PLG: variants seen among roughly 807,000 people sequenced by gnomAD.
PLG encodes the protein plasmin.
Under a neutral mutation model 104.4 loss-of-function variants are expected in PLG, and 41 were observed. The observed-to-expected ratio is 0.39, with a 90% CI of 0.31 to 0.51. The LOEUF is 0.51. Among genes scored for constraint, PLG ranks in the 20% least tolerant of loss-of-function variants. The probability of loss-of-function intolerance (pLI) is 0.76; values close to 1 mark genes in which losing one functional copy is unlikely to be tolerated. For missense variants in PLG, 891 were observed against 1,003.6 expected (o/e 0.89, Z 1.52); for synonymous variants, 337 against 357.1 (o/e 0.94, Z 0.63).
intron 12 of PLG, 47 bp from the exon 13 acceptor site, chr6:160,733,948 T>C (rs200461018): frequency 2.1e-6 from 2 of 944,066 alleles, no homozygotes; most frequent in South Asian, 2.6e-5. Context: ...ACCTTCTCCC[T>C]CTCCTGCCCC....
At chr6:160,730,885 T>C in intron 10 of PLG, 166 bp from the exon 11 acceptor site, 1 of 668,704 alleles carries the variant, frequency 1.5e-6, no homozygotes, top group Non-Finnish European at 2.6e-6. Context: ...TACACAGTTG[T>C]TTAGAAGTTG....
At chr6:160,709,026 T>C (rs1263035098) in intron 3 of PLG, among the ~76,000 whole-genome samples, 7 of 152,048 alleles carry the variant, frequency 4.6e-5, no homozygotes, top group Non-Finnish European at 1.0e-4. Flanking sequence ...AACATTTAAA[T>C]ATGTCATTTG....
chr6:160,733,543 T>TAATAGAA (rs1554251785), intron 12 of PLG, among the ~76,000 whole-genome samples: 57 of 151,180 alleles, frequency 3.8e-4, no homozygotes, highest in African/African-American at 1.1e-3. Flanking sequence ...ATAATAATAA[T>TAATAGAA]AGAAAGGAAG....
At position 160,724,746 on chromosome 6, in the gene PLG, G is replaced by A. The variant is rs1464614486; in HGVS notation, c.1256+2179G>A. 6.6e-6 allele frequency among the ~76,000 whole-genome samples: 1 copy of A among 152,062 alleles called. No individual in the cohort carries two copies. The highest frequency in any genetic ancestry group is 2.4e-5 in the African/African-American group (1 of 41,406). On this transcript the variant is annotated intron_variant, in intron 10 of 18. Coordinates refer to ENST00000308192, the MANE Select transcript of PLG (RefSeq NM_000301.5). The surrounding 1 kb of genome is among the most constrained non-coding windows in gnomAD (Gnocchi z 5.0). ...GTTATATCCAGCAAAAATATCCCTT[G>A]AAAGTGAATGTTATATAAATACATA...
chr6:160,743,550 A>G (rs1403821699), intron 17 of PLG, among the ~76,000 whole-genome samples: 1 of 152,154 alleles, frequency 6.6e-6, no homozygotes, highest in Non-Finnish European at 1.5e-5. Context: ...CAGCTGAAGG[A>G]GCTTTTGGGC....
rs1008256382 is a variant in PLG at position 160,725,939 on chromosome 6, T to C, written c.1256+3372T>C. ...TGCACCCTCATAAGAGCCCTTCTGA[T>C]ATATGAAGCAAACACTGACAGAACT... On this transcript the variant is annotated intron_variant, in intron 10 of 18. Transcript: ENST00000308192. The surrounding 1 kb of genome is among the most constrained non-coding windows in gnomAD (Gnocchi z 6.3). 6.6e-6 allele frequency among the ~76,000 whole-genome samples: 1 copy of C among 152,158 alleles called. No homozygotes were observed. Among genetic ancestry groups the C allele is most frequent in the African/African-American group, 2.4e-5 (1 of 41,440 alleles).
intron 6 of PLG, among the ~76,000 whole-genome samples, chr6:160,715,574 G>T (rs1352994174): frequency 6.6e-6 from 1 of 152,134 alleles, no homozygotes; most frequent in Non-Finnish European, 1.5e-5. Context: ...CACATTAATT[G>T]TGCTGGAAAA....
In PLG at chr6:160,741,441, A is replaced by G. The variant is rs1485068535; in HGVS notation, c.2125+24A>G. On this transcript the variant is annotated intron_variant, in intron 17 of 18. Transcript: ENST00000308192. This position sits in a 1 kb window ranked among gnomAD's most constrained non-coding sequence, Gnocchi z 4.7. ...AGGTGAGATAAATTCCATTGCCCAC[A>G]TAACGAATTGGTTTTGACCTACAGT... 2.1e-6 allele frequency: 3 copies of G among 1,400,736 alleles called. No homozygotes were observed. The highest frequency in any genetic ancestry group is 2.0e-6 in the Non-Finnish European group (2 of 985,076). The allele number at this position is 1,400,736 out of a possible 1,614,324, so 86.8% of individuals were successfully genotyped here.
In PLG at chr6:160,731,584, C is replaced by T. The variant is rs1021238987; in HGVS notation, c.1439-161C>T. 1.3e-5 allele frequency among the ~76,000 whole-genome samples: 2 copies of T among 152,172 alleles called. No individual in the cohort carries two copies. The highest frequency in any genetic ancestry group is 2.4e-5 in the African/African-American group (1 of 41,436). ...AGCCAGTAAGCATCTCCAGTAATTT[C>T]TTAAGGTAGGCAGCGTTCATTGCAG... On this transcript the variant is annotated intron_variant, in intron 11 of 18. Transcript: ENST00000308192. The surrounding 1 kb of genome is among the most constrained non-coding windows in gnomAD (Gnocchi z 5.1).
rs377006594 is a variant in PLG at position 160,748,441 on chromosome 6, AAGGGAGGGAGGGAGGG to A, written c.2126-3654_2126-3639del. Among the ~76,000 whole-genome samples, 264 of 82,796 alleles carry A rather than the reference AAGGGAGGGAGGGAGGG, an allele frequency of 3.2e-3. 15 individuals are homozygous for A. Among genetic ancestry groups the A allele is most frequent in the East Asian group, 0.01 (22 of 2,124 alleles). 54.3% of individuals were successfully genotyped at this position (82,796 alleles called of 152,430 possible). ...GGGAAAGAAAGAGAACGAAAGAAAG[AAGGGAGGGAGGGAGGG>A]AGGGAGGGAGGGAGGGAGGAAGGGT... On this transcript the variant is annotated intron_variant, in intron 17 of 18. Coordinates refer to ENST00000308192, the MANE Select transcript of PLG (RefSeq NM_000301.5).
chr6:160,714,724 T>TA, intron 5 of PLG, 70 bp from the exon 6 acceptor site: 1 of 1,525,182 alleles, frequency 6.6e-7, no homozygotes, highest in Non-Finnish European at 9.1e-7. Context: ...TTCTGGTTTT[T>TA]ACTCTCTATT....
intron 10 of PLG, chr6:160,730,832 C>G: frequency 2.0e-6 from 1 of 499,474 alleles, no homozygotes; most frequent in South Asian, 2.3e-5. Context: ...GCATATACTA[C>G]TTTTGATTTT....
intron 1 of PLG, chr6:160,705,877 T>TA (rs2115149700): frequency 6.4e-6 from 1 of 155,666 alleles, no homozygotes; most frequent in South Asian, 2.0e-4. Flanking sequence ...ATAGCAAACA[T>TA]AAAATTTGTT....
chr6:160,748,914 C>T lies in PLG; in HGVS notation c.2126-3201C>T, dbSNP rs1207344414. ...GTCGAACTTGTGTCACCAGCCTGCC[C>T]CTAAACCCGTCACTGATTAACTCCA... On this transcript the variant is annotated intron_variant, in intron 17 of 18. Transcript: ENST00000308192. Among the ~76,000 whole-genome samples the T allele has an allele frequency of 2.6e-5, 4 of 152,136 alleles. No homozygotes were observed. The East Asian group carries it at 7.7e-4, about 29-fold the overall frequency.
intron 4 of PLG, among the ~76,000 whole-genome samples, chr6:160,712,615 C>T (rs1405937818): frequency 6.6e-6 from 1 of 152,158 alleles, no homozygotes; most frequent in South Asian, 2.1e-4. Context: ...AGATAGTTCA[C>T]ATGGACAAAA....
chr6:160,702,482 G>A (rs772988372), intron 1 of PLG, 129 bp downstream of exon 1: 207 of 1,235,562 alleles, frequency 1.7e-4, no homozygotes, highest in Non-Finnish European at 2.1e-4. Context: ...TGAAAATCTT[G>A]TATAAGATTG....
intron 5 of PLG, among the ~76,000 whole-genome samples, chr6:160,714,030 C>T (rs967757798): frequency 5.3e-5 from 8 of 152,166 alleles, no homozygotes; most frequent in African/African-American, 1.7e-4. Flanking sequence ...GTTCGAATCA[C>T]GGGGATCCTT....
rs1222831363 is a variant in PLG, at chr6:160,719,463, C to G, written c.1096+625C>G. Among the ~76,000 whole-genome samples, 1 of 152,058 alleles carries G rather than the reference C, an allele frequency of 6.6e-6. No individual in the cohort carries two copies. The highest frequency in any genetic ancestry group is 2.4e-5 in the African/African-American group (1 of 41,386). On this transcript the variant is annotated intron_variant, in intron 9 of 18. Transcript: ENST00000308192. This position sits in a 1 kb window ranked among gnomAD's most constrained non-coding sequence, Gnocchi z 4.1. ...TATCTTTTAAATTTGTATGATATAT[C>G]TTTTAAATTTATCTGAGCTTTTAAA...
chr6:160,734,131 T>A lies in PLG; in HGVS notation c.1681+43T>A. 1 of 1,145,736 alleles carries A rather than the reference T, an allele frequency of 8.7e-7. No individual in the cohort carries two copies. The highest frequency in any genetic ancestry group is 2.4e-5 in the East Asian group (1 of 41,932). 71.0% of individuals were successfully genotyped at this position (1,145,736 alleles called of 1,614,324 possible). On this transcript the variant is annotated intron_variant, in intron 13 of 18. Coordinates refer to ENST00000308192, the MANE Select transcript of PLG (RefSeq NM_000301.5). This position sits in a 1 kb window ranked among gnomAD's most constrained non-coding sequence, Gnocchi z 4.4. ...TGGTAAGGAAACTGCTTACTTAATATGGATTTGCAACAAAAAAGGAAAAGG... is the reference window on the plus strand; with the variant it reads ...TGGTAAGGAAACTGCTTACTTAATAAGGATTTGCAACAAAAAAGGAAAAGG...
Sources: allele counts gnomAD v4.1 joint callset (sites outside exome capture counted in the v4.1 genomes callset), GRCh38; gene constraint gnomAD v4.1.1; non-coding constraint Gnocchi (gnomAD v3.1); transcripts MANE v1.5; gene names NCBI Gene and HGNC (gene_info 2026-07-23, HGNC 2026-07-21).